The following TLN2 variants were observed in gnomAD, a reference collection of about 807,000 sequenced individuals.
TLN2 encodes talin 2.
A neutral mutation model predicts 294.7 loss-of-function variants in TLN2; 118 were observed. That is an observed-to-expected ratio of 0.40 (90% confidence interval 0.34 to 0.47). TLN2 has a LOEUF of 0.47. TLN2 is among the 20% of genes least tolerant of loss of function. The pLI, the probability that TLN2 is intolerant of heterozygous loss-of-function variation, is 0.84. For missense variants in TLN2, 3,083 were observed against 3,282.2 expected (o/e 0.94, Z 1.48); for synonymous variants, 1,431 against 1,304.5 (o/e 1.10, Z -2.09).
intron 55 of TLN2, 31 bp from the exon 56 acceptor site, chr15:62,835,706 T>C: frequency 6.2e-7 from 1 of 1,613,908 alleles, no homozygotes; most frequent in Non-Finnish European, 8.5e-7. Flanking sequence ...CTGCCTGCCC[T>C]CATGGCCAAT....
At chr15:62,652,661 C>T (rs1251321621) in intron 6 of TLN2, among the ~76,000 whole-genome samples, 2 of 152,170 alleles carry the variant, frequency 1.3e-5, no homozygotes, top group Non-Finnish European at 2.9e-5. Context: ...CACTGTCTTG[C>T]CTTCTTCTGC....
At chr15:62,403,720 T>C (rs2033193009) in intron 1 of TLN2, among the ~76,000 whole-genome samples, 1 of 152,192 alleles carries the variant, frequency 6.6e-6, no homozygotes. Flanking sequence ...AGCTCCATGC[T>C]TCTTGCTGGA....
intron 1 of TLN2, among the ~76,000 whole-genome samples, chr15:62,461,180 G>C (rs369593619): frequency 6.6e-6 from 1 of 152,046 alleles, no homozygotes; most frequent in Non-Finnish European, 1.5e-5. Context: ...GAACTTCCTC[G>C]TGATCCGCCT....
At chr15:62,669,070 C>T (rs2055078530) in intron 9 of TLN2, among the ~76,000 whole-genome samples, 1 of 152,192 alleles carries the variant, frequency 6.6e-6, no homozygotes. Context: ...CATAATGCAT[C>T]ATCTGTGAAG....
At chr15:62,736,776 G>C in intron 28 of TLN2, 102 bp from the exon 29 acceptor site, 2 of 1,253,612 alleles carry the variant, frequency 1.6e-6, no homozygotes, top group South Asian at 1.5e-5. Context: ...CTAATCTGCA[G>C]CTCCCCTTCT....
intron 3 of TLN2, among the ~76,000 whole-genome samples, chr15:62,627,149 A>C (rs530382413): frequency 6.6e-6 from 1 of 152,174 alleles, no homozygotes; most frequent in African/African-American, 2.4e-5. Context: ...TTTCATCATC[A>C]CTGAAGGCTA....
At chr15:62,456,938 G>A (rs1022720965) in intron 1 of TLN2, among the ~76,000 whole-genome samples, 8 of 152,162 alleles carry the variant, frequency 5.3e-5, no homozygotes, top group Non-Finnish European at 8.8e-5. Context: ...GGGGAATTCA[G>A]GGTGGGGGAG....
intron 1 of TLN2, among the ~76,000 whole-genome samples, chr15:62,440,943 C>T (rs552022245): frequency 5.0e-4 from 76 of 152,272 alleles, no homozygotes; most frequent in African/African-American, 1.8e-3. Context: ...GGAAAACGGC[C>T]TGTGGAAACA....
At chr15:62,608,780 T>G in intron 2 of TLN2, among the ~76,000 whole-genome samples, 1 of 152,034 alleles carries the variant, frequency 6.6e-6, no homozygotes, top group African/African-American at 2.4e-5. Context: ...CTGGCTTCTG[T>G]GCAGAACTGG....
At chr15:62,635,496 A>G (rs1325285555) in intron 3 of TLN2, among the ~76,000 whole-genome samples, 1 of 152,206 alleles carries the variant, frequency 6.6e-6, no homozygotes, top group Non-Finnish European at 1.5e-5. Context: ...AGGATATAGA[A>G]TTATATAGAG....
At chr15:62,657,144 C>T (rs2053298146) in intron 8 of TLN2, among the ~76,000 whole-genome samples, 1 of 54,442 alleles carries the variant, frequency 1.8e-5, no homozygotes, top group Non-Finnish European at 5.4e-5. Flanking sequence ...AAAGGAAAGG[C>T]TGAAAAGGTG....
chr15:62,638,250 G>C (rs1365074147), intron 3 of TLN2: 2 of 320,748 alleles, frequency 6.2e-6, no homozygotes, highest in Non-Finnish European at 1.2e-5. Flanking sequence ...TTCCTCAGCA[G>C]AATTTCCTCT....
At chr15:62,499,580 C>G (rs1314879041) in intron 1 of TLN2, among the ~76,000 whole-genome samples, 1 of 152,146 alleles carries the variant, frequency 6.6e-6, no homozygotes, top group Non-Finnish European at 1.5e-5. Context: ...CCCCACTTTA[C>G]CAGTCCTTAA....
intron 1 of TLN2, among the ~76,000 whole-genome samples, chr15:62,416,255 C>T (rs571680096): frequency 1.3e-5 from 2 of 152,316 alleles, no homozygotes; most frequent in South Asian, 4.1e-4. Flanking sequence ...GCTGTGATCA[C>T]CACTGCATTC....
In TLN2 at chr15:62,763,682, A is replaced by G; in HGVS notation, c.5081A>G (p.Asp1694Gly). ...AGCCAGAGCCTGGCCACGAGGGACGACATCTCTGTGGAGGTAAGCTGGGAA... is the reference window on the plus strand; with the variant it reads ...AGCCAGAGCCTGGCCACGAGGGACGGCATCTCTGTGGAGGTAAGCTGGGAA... Reference protein sequence around the residue: ...AVSQSLATRDDISVEALQEQL... With the variant: ...AVSQSLATRDGISVEALQEQL... Residue 1694 changes from aspartate (D) to glycine (G), a missense_variant, in exon 40 of 59, where the codon GAC becomes GGC. Coordinates refer to ENST00000636159, the MANE Select transcript of TLN2 (RefSeq NM_015059.3). The G allele has an allele frequency of 6.2e-7, 1 of 1,609,614 alleles. No homozygotes were observed. The highest frequency in any genetic ancestry group is 1.1e-5 in the South Asian group (1 of 90,404).
intron 3 of TLN2, among the ~76,000 whole-genome samples, chr15:62,642,541 G>A (rs147489889): frequency 5.3e-5 from 8 of 151,552 alleles, no homozygotes; most frequent in Non-Finnish European, 1.0e-4. Flanking sequence ...TTATCGAGGT[G>A]TGTTGTCTGA....
intron 1 of TLN2, among the ~76,000 whole-genome samples, chr15:62,478,535 T>C (rs2037911065): frequency 6.6e-6 from 1 of 152,058 alleles, no homozygotes; most frequent in African/African-American, 2.4e-5. Context: ...GGCAGACTTC[T>C]TGTCTACCTC....
At chr15:62,778,868 CACACA>C (rs778322112) in intron 43 of TLN2, among the ~76,000 whole-genome samples, 148 of 152,318 alleles carry the variant, frequency 9.7e-4, no homozygotes, top group Non-Finnish European at 1.2e-3. Flanking sequence ...TCCAGGGCAC[CACACA>C]ACACCTCTTC....
intron 1 of TLN2, among the ~76,000 whole-genome samples, chr15:62,444,151 A>T (rs1022635228): frequency 6.6e-6 from 1 of 152,232 alleles, no homozygotes; most frequent in African/African-American, 2.4e-5. Context: ...AAGTCTGAGA[A>T]GCCAGAGAGG....
Sources: gnomAD v4.1 joint callset for allele counts (sites outside exome capture counted in the v4.1 genomes callset) on GRCh38, gnomAD v4.1.1 for gene constraint, MANE v1.5 for transcripts, NCBI Gene and HGNC (gene_info 2026-07-23, HGNC 2026-07-21) for gene names.